The following PASD1 variants were observed in gnomAD, a reference collection of about 807,000 sequenced individuals.
PASD1 encodes PAS domain containing repressor 1.
PASD1 carries 13 observed loss-of-function variants against 58.8 expected under a neutral mutation model. The ratio of observed to expected loss-of-function variants is 0.22; its 90% confidence interval spans 0.14 to 0.35. The LOEUF is 0.35. Among genes scored for constraint, PASD1 ranks in the 10% least tolerant of loss-of-function variants. The probability of loss-of-function intolerance (pLI) is 1.00; values close to 1 mark genes in which losing one functional copy is unlikely to be tolerated. For missense variants in PASD1, 734 were observed against 568.3 expected (o/e 1.29, Z -2.96); for synonymous variants, 236 against 216.7 (o/e 1.09, Z -0.78).
chrX:151,644,573 G>A (rs2014036037), intron 8 of PASD1, among the ~76,000 whole-genome samples: 1 of 111,560 alleles, frequency 9.0e-6, no homozygotes, highest in Non-Finnish European at 1.9e-5. Context: ...AAGAACAATT[G>A]TAAAGCAAAT....
intron 3 of PASD1, among the ~76,000 whole-genome samples, chrX:151,605,904 A>G (rs1001253974): frequency 2.7e-5 from 3 of 112,254 alleles, no homozygotes; most frequent in African/African-American, 9.7e-5. Flanking sequence ...ATTTTATTAG[A>G]GGTTTTGTTT....
intron 7 of PASD1, among the ~76,000 whole-genome samples, chrX:151,623,268 C>T (rs1034886927): frequency 9.0e-6 from 1 of 111,661 alleles, no homozygotes; most frequent in African/African-American, 3.3e-5. Context: ...TAGACACACT[C>T]GAAAGAGATG....
At chrX:151,608,198 TC>T (rs1282350397) in intron 3 of PASD1, among the ~76,000 whole-genome samples, 2 of 111,475 alleles carry the variant, frequency 1.8e-5, no homozygotes, top group Non-Finnish European at 3.8e-5. Context: ...TTCTTATTGC[TC>T]CACATCCTTG....
In PASD1 at chrX:151,563,779, G is replaced by T. The variant is rs1424334570; in HGVS notation, c.-88G>T. 1.8e-5 allele frequency: 2 copies of T among 112,387 alleles called. No homozygotes were observed. The highest frequency in any genetic ancestry group is 3.8e-5 in the Non-Finnish European group (2 of 53,249). The allele number at this position is 112,387 out of a possible 1,213,427, so 9.3% of individuals were successfully genotyped here. ...TCCCGGGCTCTCACCGGAGACCACAGGGAGGAGCTTCAAGGTACCCCAAGT... is the reference window on the plus strand; with the variant it reads ...TCCCGGGCTCTCACCGGAGACCACATGGAGGAGCTTCAAGGTACCCCAAGT... On this transcript the variant is annotated 5_prime_UTR_variant, in exon 1 of 16. It adds an upstream start codon to the 5' untranslated region. Coordinates refer to ENST00000370357, the MANE Select transcript of PASD1 (RefSeq NM_173493.3).
Position 151,604,685 on chromosome X carries a change from G to T in PASD1, c.68G>T (p.Trp23Leu). The T allele has an allele frequency of 8.3e-7, 1 of 1,208,660 alleles. No individual in the cohort carries two copies. ...AAAAGCTCTCAAAGGAAATTAAACTGGATTCCATCATTTCCTACCTATGAT... is the reference window on the plus strand; with the variant it reads ...AAAAGCTCTCAAAGGAAATTAAACTTGATTCCATCATTTCCTACCTATGAT... ...NPKSSQRKLN[W>L]IPSFPTYDYF... is the part of the protein sequence containing the mutation. The change falls in exon 3 of 16, where the codon TGG (tryptophan) becomes TTG (leucine). Residue 23 changes from tryptophan to leucine, a missense_variant. Coordinates refer to ENST00000370357, the MANE Select transcript of PASD1 (RefSeq NM_173493.3).
intron 15 of PASD1, among the ~76,000 whole-genome samples, chrX:151,674,465 T>C (rs2014519694): frequency 8.9e-6 from 1 of 112,864 alleles, no homozygotes; most frequent in African/African-American, 3.2e-5. Flanking sequence ...AAGTGAGCCA[T>C]GCCATGTTTT....
At chrX:151,628,660 A>T (rs1222036880) in intron 8 of PASD1, among the ~76,000 whole-genome samples, 3 of 111,570 alleles carry the variant, frequency 2.7e-5, no homozygotes, top group African/African-American at 6.5e-5. Context: ...CTTAGGATTG[A>T]CTTGGCAATG....
At chrX:151,603,084 C>G (rs954930811) in intron 2 of PASD1, among the ~76,000 whole-genome samples, 1 of 112,539 alleles carries the variant, frequency 8.9e-6, no homozygotes, top group African/African-American at 3.2e-5. Flanking sequence ...ATACCTGAAA[C>G]TGTCTGTTCT....
chrX:151,572,052 A>G (rs1198171242), intron 1 of PASD1, among the ~76,000 whole-genome samples: 1 of 111,057 alleles, frequency 9.0e-6, no homozygotes, highest in Non-Finnish European at 1.9e-5. Flanking sequence ...TCACACAGTA[A>G]ATAAAAATGT....
At chrX:151,660,080 G>T (rs942601713) in intron 10 of PASD1, among the ~76,000 whole-genome samples, 2 of 111,896 alleles carry the variant, frequency 1.8e-5, no homozygotes, top group African/African-American at 6.5e-5. Flanking sequence ...ATTGGCGCTG[G>T]ATCTCAATCC....
At chrX:151,609,228 A>C (rs2013522284) in intron 3 of PASD1, among the ~76,000 whole-genome samples, 1 of 111,889 alleles carries the variant, frequency 8.9e-6, no homozygotes, top group Non-Finnish European at 1.9e-5. Flanking sequence ...CTCAATAAAT[A>C]GTGTTTAAAA....
At chrX:151,653,868 C>CTTTCTTTCTTCTT (rs2014192638) in intron 9 of PASD1, among the ~76,000 whole-genome samples, 1 of 16,462 alleles carries the variant, frequency 6.1e-5, no homozygotes, top group African/African-American at 2.2e-4. Context: ...CCCTCCCTCC[C>CTTTCTTTCTTCTT]TCTTTCTTTC....
In PASD1 at chrX:151,629,283, C is replaced by A. The variant is rs1180047153; in HGVS notation, c.629+3753C>A. 1.4e-4 allele frequency among the ~76,000 whole-genome samples: 15 copies of A among 110,872 alleles called. No homozygotes were observed. The East Asian group carries it at 4.3e-3, about 32-fold the overall frequency. The stretch of plus-strand genomic sequence containing the variant: ...TACAGGCACGTACCACCACGCCTGG[C>A]TACTTTTTATATTTTTAGTAGGGAC... On this transcript the variant is annotated intron_variant, in intron 8 of 15. Coordinates refer to ENST00000370357, the MANE Select transcript of PASD1 (RefSeq NM_173493.3).
intron 1 of PASD1, among the ~76,000 whole-genome samples, chrX:151,597,915 A>G (rs940169547): frequency 1.8e-5 from 2 of 111,235 alleles, no homozygotes; most frequent in African/African-American, 6.6e-5. Context: ...ATTTTAGTAG[A>G]GAGAGGGTTT....
intron 1 of PASD1, among the ~76,000 whole-genome samples, chrX:151,564,909 A>G (rs1170063490): frequency 9.0e-6 from 1 of 111,306 alleles, no homozygotes; most frequent in Non-Finnish European, 1.9e-5. Flanking sequence ...AACTCATAAG[A>G]CAATAATTTA....
At chrX:151,566,646 A>T (rs1186279251) in intron 1 of PASD1, among the ~76,000 whole-genome samples, 1 of 111,990 alleles carries the variant, frequency 8.9e-6, no homozygotes, top group African/African-American at 3.2e-5. Flanking sequence ...AGTGTATCAG[A>T]TTTCAGATTT....
intron 8 of PASD1, among the ~76,000 whole-genome samples, chrX:151,633,612 T>C (rs1202119039): frequency 8.9e-6 from 1 of 111,786 alleles, no homozygotes; most frequent in Non-Finnish European, 1.9e-5. Context: ...AGCCAACCCA[T>C]ACTCCATCTT....
At chrX:151,654,855 T>A (rs1371797124) in intron 9 of PASD1, among the ~76,000 whole-genome samples, 2 of 110,831 alleles carry the variant, frequency 1.8e-5, no homozygotes, top group African/African-American at 3.3e-5. Flanking sequence ...TGTTTTTCTT[T>A]TTATTATTAT....
rs2013560805 is a variant in PASD1 at position 151,611,671 on chromosome X, A to G, written c.125A>G (p.Asp42Gly). Reference sequence around the variant, plus strand: ...TTATTCTCTCGTCATTAGTTATTAGATGGCTTTATGATTACACTGAGCACA... The same window carrying G: ...TTATTCTCTCGTCATTAGTTATTAGGTGGCTTTATGATTACACTGAGCACA... ...YFNQVTLQLL[D>G]GFMITLSTDG... Residue 42 changes from aspartate to glycine, a missense_variant, in exon 4 of 16, where the codon GAT becomes GGT. Asp to Gly is a moderately conservative substitution (Grantham distance 94). Coordinates refer to ENST00000370357, the MANE Select transcript of PASD1 (RefSeq NM_173493.3). The G allele has an allele frequency of 5.1e-6, 6 of 1,180,920 alleles. No individual in the cohort carries two copies. The highest frequency in any genetic ancestry group is 1.8e-5 in the African/African-American group (1 of 56,132).
Sources: allele counts gnomAD v4.1 joint callset (sites outside exome capture counted in the v4.1 genomes callset), GRCh38; gene constraint gnomAD v4.1.1; transcripts MANE v1.5; gene names NCBI Gene and HGNC (gene_info 2026-07-23, HGNC 2026-07-21).